Variants in CNTNAP2 observed in about 807,000 individuals in gnomAD.
CNTNAP2 encodes contactin associated protein 2, also known as contactin-associated protein-like 2.
In CNTNAP2, 98 loss-of-function variants were observed where a neutral mutation model predicts 155.2. The observed-to-expected ratio is 0.63, with a 90% CI of 0.54 to 0.75. The LOEUF (loss-of-function observed/expected upper bound fraction) is 0.75, where lower values mean the gene tolerates loss of function less well. Ranked by LOEUF, CNTNAP2 falls within the 30% of genes least tolerant of loss-of-function variation. The probability of loss-of-function intolerance (pLI) is 0.00; values close to 1 mark genes in which losing one functional copy is unlikely to be tolerated. For synonymous variants in CNTNAP2, 651 were observed against 631.2 expected (o/e 1.03, Z -0.47); for missense variants, 1,727 against 1,688.1 (o/e 1.02, Z -0.40).
chr7:148,333,553 A>G (rs6464871), intron 21 of CNTNAP2, among the ~76,000 whole-genome samples: 151,084 of 152,298 alleles, frequency 0.99, 74,955 homozygotes, highest in Middle Eastern at 1. Context: ...ACCTCATGCC[A>G]TCACTACGAA....
chr7:147,317,774 A>G (rs906457161), intron 9 of CNTNAP2, among the ~76,000 whole-genome samples: 3 of 102,460 alleles, frequency 2.9e-5, no homozygotes, highest in African/African-American at 9.0e-5. Flanking sequence ...ATATATATAT[A>G]TATGTGTGTG....
chr7:146,154,569 A>T (rs922983360), intron 1 of CNTNAP2, among the ~76,000 whole-genome samples: 5 of 152,200 alleles, frequency 3.3e-5, no homozygotes, highest in Non-Finnish European at 4.4e-5. Flanking sequence ...GACAGTACTC[A>T]TTAGTTAGTT....
intron 9 of CNTNAP2, among the ~76,000 whole-genome samples, chr7:147,330,447 G>A (rs145245974): frequency 6.6e-6 from 1 of 152,244 alleles, no homozygotes; most frequent in African/African-American, 2.4e-5. Context: ...TGAACCCTAG[G>A]AGAGGTTTGT....
At chr7:148,331,240 AACAG>A (rs1178611148) in intron 21 of CNTNAP2, among the ~76,000 whole-genome samples, 66 of 110,218 alleles carry the variant, frequency 6.0e-4, no homozygotes, top group East Asian at 1.1e-3. Flanking sequence ...GGATGGATGG[AACAG>A]ATGGATGGAA....
intron 3 of CNTNAP2, among the ~76,000 whole-genome samples, chr7:146,882,541 C>G (rs1371685140): frequency 2.6e-5 from 4 of 152,042 alleles, no homozygotes; most frequent in Non-Finnish European, 5.9e-5. Flanking sequence ...TCTCCTGCCA[C>G]CATGTGAAGG....
intron 2 of CNTNAP2, 79 bp downstream of exon 2, chr7:146,774,460 A>G (rs1802353022): frequency 2.1e-6 from 2 of 963,342 alleles, no homozygotes; most frequent in South Asian, 1.4e-5. Context: ...TATATATATA[A>G]TCACACAACA....
At chr7:146,491,481 A>G (rs1797138762) in intron 1 of CNTNAP2, among the ~76,000 whole-genome samples, 1 of 151,924 alleles carries the variant, frequency 6.6e-6, no homozygotes, top group African/African-American at 2.4e-5. Context: ...TGCAACTCAG[A>G]TTAGGGCGTT....
intron 11 of CNTNAP2, among the ~76,000 whole-genome samples, chr7:147,550,230 T>C: frequency 6.6e-6 from 1 of 152,210 alleles, no homozygotes; most frequent in East Asian, 1.9e-4. Flanking sequence ...CTGAGTGATA[T>C]GGTTTGACTG....
At chr7:147,671,735 A>T (rs960214868) in intron 13 of CNTNAP2, 1 of 152,138 alleles carries the variant, frequency 6.6e-6, no homozygotes, top group Non-Finnish European at 1.5e-5. Context: ...CATGCCCTCC[A>T]CTCACTAATT....
chr7:147,023,533 A>C (rs1293886716), intron 3 of CNTNAP2, among the ~76,000 whole-genome samples: 1 of 152,126 alleles, frequency 6.6e-6, no homozygotes, highest in African/African-American at 2.4e-5. Flanking sequence ...TACTTCCATC[A>C]CCACAAGGAC....
intron 20 of CNTNAP2, among the ~76,000 whole-genome samples, chr7:148,256,676 T>C (rs1298303365): frequency 6.6e-6 from 1 of 152,138 alleles, no homozygotes; most frequent in African/African-American, 2.4e-5. Context: ...CCAGCTCCCA[T>C]GCGCAGGGGA....
intron 12 of CNTNAP2, among the ~76,000 whole-genome samples, chr7:147,609,675 C>A (rs1359282790): frequency 2.0e-5 from 3 of 151,900 alleles, no homozygotes; most frequent in Non-Finnish European, 2.9e-5. Context: ...GGAAGACTTT[C>A]CTTTATCCTC....
intron 3 of CNTNAP2, among the ~76,000 whole-genome samples, chr7:146,841,169 G>A (rs892000900): frequency 6.6e-6 from 1 of 152,156 alleles, no homozygotes; most frequent in Admixed American, 6.5e-5. Flanking sequence ...GTGCAGCCTG[G>A]GCTTTGGGAT....
chr7:146,885,372 A>T (rs73461451), intron 3 of CNTNAP2, among the ~76,000 whole-genome samples: 1 of 152,150 alleles, frequency 6.6e-6, no homozygotes, highest in Non-Finnish European at 1.5e-5. Flanking sequence ...CCAGTAGTCT[A>T]ATGTAAATAA....
intron 23 of CNTNAP2, among the ~76,000 whole-genome samples, chr7:148,410,396 C>T (rs1799807214): frequency 6.6e-6 from 1 of 151,668 alleles, no homozygotes; most frequent in African/African-American, 2.4e-5. Context: ...ATGGTGAAAC[C>T]CCATCTCTAA....
intron 1 of CNTNAP2, among the ~76,000 whole-genome samples, chr7:146,212,026 C>T (rs1193975720): frequency 6.6e-6 from 1 of 152,032 alleles, no homozygotes; most frequent in Non-Finnish European, 1.5e-5. Context: ...TATATTTTGT[C>T]ATGCTGTAAT....
chr7:148,034,297 T>A (rs377050119), intron 15 of CNTNAP2, among the ~76,000 whole-genome samples: 2 of 152,194 alleles, frequency 1.3e-5, no homozygotes, highest in Non-Finnish European at 2.9e-5. Context: ...ATCAGGGCTA[T>A]GGTTTAATTG....
chr7:148,303,358 T>C (rs1022868282), intron 21 of CNTNAP2, among the ~76,000 whole-genome samples: 1 of 152,142 alleles, frequency 6.6e-6, no homozygotes, highest in African/African-American at 2.4e-5. Flanking sequence ...CTGCTGAACA[T>C]ACTGAAGTGA....
rs146589167 is a variant in CNTNAP2 at position 147,711,897 on chromosome 7, T to C, written c.2098+72591T>C. On this transcript the variant is annotated intron_variant, in intron 13 of 23. Coordinates refer to ENST00000361727, the MANE Select transcript of CNTNAP2 (RefSeq NM_014141.6). Reference sequence around the variant, plus strand: ...CAGAATAATCAAGTGAAAATACTGCTTTTTTATGGTAACTCTCCATTCAAG... The same window carrying C: ...CAGAATAATCAAGTGAAAATACTGCCTTTTTATGGTAACTCTCCATTCAAG... 8.5e-5 allele frequency among the ~76,000 whole-genome samples: 13 copies of C among 152,316 alleles called. No individual in the cohort carries two copies. The East Asian group carries it at 2.5e-3, about 29-fold the overall frequency.
Sources: gnomAD v4.1 joint callset for allele counts (sites outside exome capture counted in the v4.1 genomes callset) on GRCh38, gnomAD v4.1.1 for gene constraint, MANE v1.5 for transcripts, NCBI Gene and HGNC (gene_info 2026-07-23, HGNC 2026-07-21) for gene names.